GSPT1: variants seen among roughly 807,000 people sequenced by gnomAD.
The protein encoded by GSPT1 is eukaryotic peptide chain release factor GTP-binding subunit ERF3A.
A neutral mutation model predicts 72.5 loss-of-function variants in GSPT1; 20 were observed. The ratio of observed to expected loss-of-function variants is 0.28; its 90% CI spans 0.19 to 0.40. The LOEUF (loss-of-function observed/expected upper bound fraction) is 0.40. GSPT1 is among the 10% of genes least tolerant of loss of function. The pLI is 1.00. For missense variants in GSPT1, 580 were observed against 811.9 expected (o/e 0.71, Z 3.47); for synonymous variants, 334 against 293.5 (o/e 1.14, Z -1.41).
At chr16:11,906,966 G>A (rs1373259784) in intron 1 of GSPT1, among the ~76,000 whole-genome samples, 1 of 152,048 alleles carries the variant, frequency 6.6e-6, no homozygotes, top group Non-Finnish European at 1.5e-5. Flanking sequence ...GCAAACACCA[G>A]AAAGAAGTCT....
intron 1 of GSPT1, among the ~76,000 whole-genome samples, chr16:11,909,723 G>A (rs1003091482): frequency 1.3e-5 from 2 of 152,064 alleles, no homozygotes; most frequent in East Asian, 1.9e-4. Context: ...TCAAGAGTTC[G>A]AGACCAGCCT....
chr16:11,869,596 GC>G lies in GSPT1; in HGVS notation c.*3522del, dbSNP rs2141265331. ...ACAAAGGGTTTTAAAGTTGAAAGTT[GC>G]CTGATGTTAAGACCTGTAATAAAAC... On this transcript the variant is annotated 3_prime_UTR_variant, in exon 15 of 15. Coordinates refer to ENST00000434724, the MANE Select transcript of GSPT1 (RefSeq NM_002094.4). 1 of 152,332 alleles carries G rather than the reference GC, an allele frequency of 6.6e-6. No individual in the cohort carries two copies. The highest frequency in any genetic ancestry group is 2.4e-5 in the African/African-American group (1 of 41,588). 9.4% of individuals were successfully genotyped at this position (152,332 alleles called of 1,614,324 possible).
intron 11 of GSPT1, among the ~76,000 whole-genome samples, chr16:11,880,456 C>G (rs1221312288): frequency 1.3e-5 from 2 of 152,120 alleles, no homozygotes; most frequent in African/African-American, 2.4e-5. Flanking sequence ...GTTCCAAATT[C>G]TCCACATCCT....
intron 14 of GSPT1, among the ~76,000 whole-genome samples, chr16:11,874,550 T>C (rs1349842353): frequency 6.6e-6 from 1 of 151,502 alleles, no homozygotes; most frequent in African/African-American, 2.4e-5. Context: ...ATTAATTGCT[T>C]TTCTTCTGTC....
chr16:11,894,650 T>A lies in GSPT1; in HGVS notation c.698+304A>T, dbSNP rs1596467918. ...ATAATCACATTACAAAAACTACTAC[T>A]TTTAAAAAAATTAAAGTAGAGACAG... is the stretch of plus-strand genomic sequence containing the variant. On this transcript the variant is annotated intron_variant, in intron 5 of 14. Transcript: ENST00000434724. 3.9e-5 allele frequency among the ~76,000 whole-genome samples: 6 copies of A among 152,284 alleles called. No homozygotes were observed. The South Asian group carries it at 1.2e-3, about 32-fold the overall frequency.
chr16:11,868,207 C>T lies in GSPT1; in HGVS notation c.*4912G>A, dbSNP rs894448373. On this transcript the variant is annotated 3_prime_UTR_variant, in exon 15 of 15. Transcript: ENST00000434724. ...TCATTTGAATAATTGCAAGAGCAGACTAAGGGCTTAATCCTCACACAGGCA... is the reference window on the plus strand; with the variant it reads ...TCATTTGAATAATTGCAAGAGCAGATTAAGGGCTTAATCCTCACACAGGCA... 1 of 152,124 alleles carries T rather than the reference C, an allele frequency of 6.6e-6. No homozygotes were observed. The highest frequency in any genetic ancestry group is 1.5e-5 in the Non-Finnish European group (1 of 68,034). 9.4% of individuals were successfully genotyped at this position (152,124 alleles called of 1,614,324 possible).
chr16:11,901,132 G>A (rs377110091), intron 1 of GSPT1, among the ~76,000 whole-genome samples: 41 of 152,182 alleles, frequency 2.7e-4, no homozygotes, highest in African/African-American at 8.2e-4. Flanking sequence ...ACTCCAGCCT[G>A]GGCGAGAGAG....
intron 1 of GSPT1, among the ~76,000 whole-genome samples, chr16:11,910,412 C>T (rs181120823): frequency 6.6e-6 from 1 of 152,288 alleles, no homozygotes; most frequent in East Asian, 1.9e-4. Flanking sequence ...ACAATTTATT[C>T]ATCTTGGTGT....
At chr16:11,892,664 T>C (rs1278752480) in intron 5 of GSPT1, among the ~76,000 whole-genome samples, 52 of 149,134 alleles carry the variant, frequency 3.5e-4, no homozygotes, top group Admixed American at 6.7e-5. Context: ...TCATCTCTAC[T>C]AAAAATACAA....
rs571132083 is a variant in GSPT1 at position 11,875,263 on chromosome 16, A to G, written c.1861+498T>C. On this transcript the variant is annotated intron_variant, in intron 14 of 14. Transcript: ENST00000434724. ...AAAAGGACAGGAATATTAAAAGCTC[A>G]TAAGGAAACGTTTCATAACAATCAT... Among the ~76,000 whole-genome samples, 122 of 152,244 alleles carry G rather than the reference A, an allele frequency of 8.0e-4. 1 individual carries two copies. The highest frequency in any genetic ancestry group is 2.6e-3 in the African/African-American group (108 of 41,564).
chr16:11,891,582 G>A (rs1296397245), intron 5 of GSPT1, among the ~76,000 whole-genome samples: 2 of 151,278 alleles, frequency 1.3e-5, no homozygotes, highest in African/African-American at 2.4e-5. Flanking sequence ...GGCTGGTCTC[G>A]AACTCCTGAC....
chr16:11,872,909 G>A lies in GSPT1; in HGVS notation c.*210C>T. On this transcript the variant is annotated 3_prime_UTR_variant, in exon 15 of 15. Coordinates refer to ENST00000434724, the MANE Select transcript of GSPT1 (RefSeq NM_002094.4). Reference sequence around the variant, plus strand: ...AAGCAGAGTTTGAAGTGAGGGCTAGGGACAGGAATCTTGGGAAAAATTCAA... The same window carrying A: ...AAGCAGAGTTTGAAGTGAGGGCTAGAGACAGGAATCTTGGGAAAAATTCAA... 1 of 466,310 alleles carries A rather than the reference G, an allele frequency of 2.1e-6. No individual in the cohort carries two copies. Among genetic ancestry groups the A allele is most frequent in the Non-Finnish European group, 3.9e-6 (1 of 257,380 alleles). The allele number at this position is 466,310 out of a possible 1,614,324, so 28.9% of individuals were successfully genotyped here.
At position 11,881,655 on chromosome 16, in the gene GSPT1, C is replaced by CTTTTTTTTTTTTTTTTTTTTTTTTTT. The variant is rs140995097; in HGVS notation, c.1428+1359_1428+1360insAAAAAAAAAAAAAAAAAAAAAAAAAA. ...ACCAAGCTGCCTTACACTTCCATAG[C>CTTTTTTTTTTTTTTTTTTTTTTTTTT]TTTTTTTTTTTTTTTTTTAGTAAAG... On this transcript the variant is annotated intron_variant, in intron 11 of 14. Coordinates refer to ENST00000434724, the MANE Select transcript of GSPT1 (RefSeq NM_002094.4). The CTTTTTTTTTTTTTTTTTTTTTTTTTT allele has an allele frequency of 8.6e-5, 8 of 92,750 alleles. 1 individual carries two copies. Among genetic ancestry groups the CTTTTTTTTTTTTTTTTTTTTTTTTTT allele is most frequent in the African/African-American group, 2.4e-4 (6 of 25,530 alleles). 5.7% of individuals were successfully genotyped at this position (92,750 alleles called of 1,614,324 possible). A position where few individuals can be genotyped will look rare whatever the true frequency, so the allele number is the denominator to read the frequency against.
chr16:11,868,226 A>C lies in GSPT1; in HGVS notation c.*4893T>G, dbSNP rs2053939862. ...AGCAGACTAAGGGCTTAATCCTCAC[A>C]CAGGCACCAAGTCAGGCACAGTAGG... On this transcript the variant is annotated 3_prime_UTR_variant, in exon 15 of 15. Transcript: ENST00000434724. 2 of 152,204 alleles carry C rather than the reference A, an allele frequency of 1.3e-5. No homozygotes were observed. Among genetic ancestry groups the C allele is most frequent in the African/African-American group, 4.8e-5 (2 of 41,454 alleles). The allele number at this position is 152,204 out of a possible 1,614,324, so 9.4% of individuals were successfully genotyped here.
intron 5 of GSPT1, among the ~76,000 whole-genome samples, chr16:11,893,488 A>T (rs2054295816): frequency 6.6e-6 from 1 of 152,012 alleles, no homozygotes; most frequent in South Asian, 2.1e-4. Flanking sequence ...AAGAAAAAAA[A>T]ATTGCAACAA....
rs185717141 is a variant in GSPT1 at position 11,913,275 on chromosome 16, A to G, written c.352+2094T>C. Among the ~76,000 whole-genome samples, 74 of 152,372 alleles carry G rather than the reference A, an allele frequency of 4.9e-4. 1 individual carries two copies. The highest frequency in any genetic ancestry group is 2.0e-4 in the Admixed American group (3 of 15,308). On this transcript the variant is annotated intron_variant, in intron 1 of 14. Transcript: ENST00000434724. ...AGAAAATCAGTTCTTTTCCAAATAG[A>G]CATCCTACATAGGATAATTTTTTAA...
chr16:11,889,180 T>A (rs563162382), intron 6 of GSPT1, among the ~76,000 whole-genome samples: 5 of 150,506 alleles, frequency 3.3e-5, no homozygotes, highest in African/African-American at 9.8e-5. Context: ...TGGTGGCGGG[T>A]GCCTGTAGTC....
At chr16:11,884,869 C>G (rs975432371) in intron 10 of GSPT1, among the ~76,000 whole-genome samples, 20 of 151,548 alleles carry the variant, frequency 1.3e-4, no homozygotes, top group African/African-American at 4.8e-4. Flanking sequence ...GAGATCGAGA[C>G]CATCCTGGCT....
chr16:11,889,594 G>A lies in GSPT1; in HGVS notation c.776+1468C>T, dbSNP rs1254827620. Among the ~76,000 whole-genome samples, 5 of 151,762 alleles carry A rather than the reference G, an allele frequency of 3.3e-5. No homozygotes were observed. In the East Asian group the frequency reaches 9.8e-4, roughly 30 times the overall value. On this transcript the variant is annotated intron_variant, in intron 6 of 14. Coordinates refer to ENST00000434724, the MANE Select transcript of GSPT1 (RefSeq NM_002094.4). Reference sequence around the variant, plus strand: ...ACCATCTCGGCTCACCGCAACCTCCGCCTCCCAGGTTCAAGTGATTCTCCT... The same window carrying A: ...ACCATCTCGGCTCACCGCAACCTCCACCTCCCAGGTTCAAGTGATTCTCCT...
Sources: allele counts gnomAD v4.1 joint callset (sites outside exome capture counted in the v4.1 genomes callset), GRCh38; gene constraint gnomAD v4.1.1; transcripts MANE v1.5; gene names NCBI Gene and HGNC (gene_info 2026-07-23, HGNC 2026-07-21).